Variants in CTNNA2 observed in about 807,000 individuals in gnomAD.
CTNNA2 encodes catenin alpha-2.
In CTNNA2, 42 loss-of-function variants were observed where a neutral mutation model predicts 101.0. The ratio of observed to expected loss-of-function variants is 0.42; its 90% CI spans 0.32 to 0.54. The LOEUF is 0.54. Among genes scored for constraint, CTNNA2 ranks in the 20% least tolerant of loss-of-function variants. The probability of loss-of-function intolerance (pLI) is 0.14; values close to 1 mark genes in which losing one functional copy is unlikely to be tolerated. For synonymous variants in CTNNA2, 450 were observed against 456.4 expected, an observed-to-expected ratio of 0.99 and a Z score of 0.18; for missense variants, 871 against 1,223.1, an observed-to-expected ratio of 0.71 and a Z score of 4.29.
chr2:79,296,856 C>A (rs1027183483), intron 2 of CTNNA2, among the ~76,000 whole-genome samples: 4 of 152,072 alleles, frequency 2.6e-5, no homozygotes, highest in South Asian at 2.1e-4. Context: ...GTTCACCTAC[C>A]TCCCACACCA....
At chr2:80,554,833 G>A (rs555363204) in intron 11 of CTNNA2, among the ~76,000 whole-genome samples, 1 of 152,268 alleles carries the variant, frequency 6.6e-6, no homozygotes, top group South Asian at 2.1e-4. Context: ...TTAGAATTCT[G>A]CTTCTAAAGA....
intron 17 of CTNNA2, chr2:80,613,009 A>AT (rs1419420242): frequency 6.6e-6 from 1 of 151,504 alleles, no homozygotes; most frequent in Non-Finnish European, 1.5e-5. Context: ...AGAGAGTAAG[A>AT]TAAAAACAAA....
At chr2:79,872,627 G>A (rs891369792) in intron 5 of CTNNA2, among the ~76,000 whole-genome samples, 1 of 152,030 alleles carries the variant, frequency 6.6e-6, no homozygotes, top group African/African-American at 2.4e-5. Flanking sequence ...TAAGCAAAGG[G>A]GGAAAAAGAT....
intron 7 of CTNNA2, among the ~76,000 whole-genome samples, chr2:80,186,650 T>A (rs1008561421): frequency 6.6e-6 from 1 of 152,208 alleles, no homozygotes; most frequent in African/African-American, 2.4e-5. Flanking sequence ...TTTGCACATT[T>A]CCAGTGGGGA....
At chr2:80,597,409 C>T (rs1450812169) in intron 15 of CTNNA2, among the ~76,000 whole-genome samples, 7 of 152,044 alleles carry the variant, frequency 4.6e-5, no homozygotes, top group Admixed American at 6.5e-5. Flanking sequence ...AGGACATAGG[C>T]GTGGGCAAAG....
At chr2:79,996,877 A>G (rs987084861) in intron 7 of CTNNA2, among the ~76,000 whole-genome samples, 4 of 152,126 alleles carry the variant, frequency 2.6e-5, no homozygotes, top group African/African-American at 7.2e-5. Flanking sequence ...GACACTGGCC[A>G]TATAGGCTGC....
intron 3 of CTNNA2, among the ~76,000 whole-genome samples, chr2:79,800,338 A>G (rs770651509): frequency 3.3e-5 from 5 of 152,116 alleles, no homozygotes; most frequent in Non-Finnish European, 2.9e-5. Flanking sequence ...CTCCAGGCAA[A>G]TGTTCTCCCT....
At chr2:80,622,571 C>T (rs972553361) in intron 18 of CTNNA2, among the ~76,000 whole-genome samples, 4 of 151,844 alleles carry the variant, frequency 2.6e-5, no homozygotes, top group African/African-American at 9.7e-5. Context: ...TAAAACTGAA[C>T]ATGATTATGC....
At chr2:80,334,592 C>T (rs1671616013) in intron 7 of CTNNA2, among the ~76,000 whole-genome samples, 2 of 152,012 alleles carry the variant, frequency 1.3e-5, no homozygotes, top group South Asian at 2.1e-4. Context: ...TCTCAGACAT[C>T]CCACACTCTT....
intron 17 of CTNNA2, among the ~76,000 whole-genome samples, chr2:80,611,714 A>C (rs1698483033): frequency 6.6e-6 from 1 of 151,578 alleles, no homozygotes; most frequent in Non-Finnish European, 1.5e-5. Flanking sequence ...TATGATTCTG[A>C]ACAATATTAG....
At chr2:79,475,457 G>A (rs1042211814) in intron 4 of CTNNA2, among the ~76,000 whole-genome samples, 21 of 151,982 alleles carry the variant, frequency 1.4e-4, no homozygotes, top group South Asian at 6.3e-4. Context: ...TTTAATGAAC[G>A]TTCACAAAGT....
At chr2:80,181,123 TA>T (rs1279157045) in intron 7 of CTNNA2, among the ~76,000 whole-genome samples, 3 of 152,196 alleles carry the variant, frequency 2.0e-5, no homozygotes, top group Admixed American at 1.3e-4. Context: ...ACCTCACTTC[TA>T]GGGGCTTGCC....
At chr2:79,258,324 T>A (rs911586969) in intron 2 of CTNNA2, among the ~76,000 whole-genome samples, 1 of 152,202 alleles carries the variant, frequency 6.6e-6, no homozygotes, top group Non-Finnish European at 1.5e-5. Flanking sequence ...TCATTTTGTA[T>A]CCATGCGACC....
chr2:80,041,228 T>A (rs1311978271), intron 7 of CTNNA2, among the ~76,000 whole-genome samples: 1 of 152,044 alleles, frequency 6.6e-6, no homozygotes, highest in Non-Finnish European at 1.5e-5. Flanking sequence ...CATTTTTTTA[T>A]AATCATAGAG....
At chr2:79,646,671 A>C (rs535831454) in intron 1 of CTNNA2, among the ~76,000 whole-genome samples, 30 of 151,934 alleles carry the variant, frequency 2.0e-4, no homozygotes, top group African/African-American at 7.2e-4. Context: ...CTGGGACTAC[A>C]ATATTGTGCC....
At chr2:80,200,692 C>A (rs905736546) in intron 7 of CTNNA2, among the ~76,000 whole-genome samples, 1 of 151,966 alleles carries the variant, frequency 6.6e-6, no homozygotes, top group Admixed American at 6.6e-5. Flanking sequence ...CCTGCCACCA[C>A]GCCCGGCTAA....
chr2:80,406,826 C>CAAAA (rs56793591), intron 8 of CTNNA2, among the ~76,000 whole-genome samples: 42 of 63,940 alleles, frequency 6.6e-4, no homozygotes, highest in Non-Finnish European at 1.0e-3. Flanking sequence ...GACTCCATCT[C>CAAAA]AAAAAAAAAA....
At chr2:79,307,969 T>C (rs1000182684) in intron 2 of CTNNA2, among the ~76,000 whole-genome samples, 2 of 152,222 alleles carry the variant, frequency 1.3e-5, no homozygotes, top group South Asian at 2.1e-4. Context: ...TGATTAATGA[T>C]GTTGAGCATT....
chr2:80,262,126 C>G (rs966896294), intron 7 of CTNNA2, among the ~76,000 whole-genome samples: 1 of 151,878 alleles, frequency 6.6e-6, no homozygotes, highest in African/African-American at 2.4e-5. Context: ...AAGATCCTAC[C>G]ACCTGGAAAG....
Sources: allele counts gnomAD v4.1 joint callset (sites outside exome capture counted in the v4.1 genomes callset), GRCh38; gene constraint gnomAD v4.1.1; transcripts MANE v1.5; gene names NCBI Gene and HGNC (gene_info 2026-07-23, HGNC 2026-07-21).